NAA15: variants seen among roughly 807,000 people sequenced by gnomAD.
The protein encoded by NAA15 is N-terminal acetyltransferase.
A neutral mutation model predicts 114.0 loss-of-function variants in NAA15; 34 were observed. The ratio of observed to expected loss-of-function variants is 0.30; its 90% CI spans 0.23 to 0.40. NAA15 has a LOEUF of 0.40. NAA15 is among the 10% of genes least tolerant of loss of function. The pLI is 1.00. For synonymous variants in NAA15, 340 were observed against 338.0 expected (o/e 1.01, Z -0.06); for missense variants, 658 against 1,004.5 (o/e 0.66, Z 4.66).
At position 139,370,205 on chromosome 4, in the gene NAA15, C is replaced by G. The variant is rs1748397177; in HGVS notation, c.1754-6C>G. On this transcript the variant is annotated splice_polypyrimidine_tract_variant and splice_region_variant and intron_variant, in intron 14 of 19. Coordinates refer to ENST00000296543, the MANE Select transcript of NAA15 (RefSeq NM_057175.5). ...TTAATTTTATTAATTAACTTATTGCCTGCAGCAAACATGTCTGACAAAGAG... is the reference window on the plus strand; with the variant it reads ...TTAATTTTATTAATTAACTTATTGCGTGCAGCAAACATGTCTGACAAAGAG... 1 of 1,510,012 alleles carries G rather than the reference C, an allele frequency of 6.6e-7. No homozygotes were observed. Among genetic ancestry groups the G allele is most frequent in the African/African-American group, 1.4e-5 (1 of 70,606 alleles). 93.5% of individuals were successfully genotyped at this position (1,510,012 alleles called of 1,614,324 possible). A position where few individuals can be genotyped will look rare whatever the true frequency, so the allele number is the denominator to read the frequency against.
chr4:139,349,435 A>T lies in NAA15; in HGVS notation c.692-27A>T, dbSNP rs866919166. ...TTGGAAGGTTTTCTCAGATATTAAA[A>T]TTTTTTTTTTTTCTGTTTTTAATCA... On this transcript the variant is annotated intron_variant, in intron 6 of 19. Transcript: ENST00000296543. 8.4e-4 allele frequency: 939 copies of T among 1,120,368 alleles called. 1 individual carries two copies. The highest frequency in any genetic ancestry group is 5.8e-3 in the Middle Eastern group (27 of 4,662). The allele number at this position is 1,120,368 out of a possible 1,614,324, so 69.4% of individuals were successfully genotyped here. A position where few individuals can be genotyped will look rare whatever the true frequency, so the allele number is the denominator to read the frequency against.
At chr4:139,331,080 C>T (rs907530624) in intron 1 of NAA15, among the ~76,000 whole-genome samples, 1 of 151,950 alleles carries the variant, frequency 6.6e-6, no homozygotes, top group Admixed American at 6.6e-5. Flanking sequence ...TCTTTTAGAG[C>T]ACTTTTTTTT....
chr4:139,353,068 T>C (rs1406124579), intron 9 of NAA15, among the ~76,000 whole-genome samples: 4 of 152,206 alleles, frequency 2.6e-5, no homozygotes. Flanking sequence ...TTCTTCTACT[T>C]AAGATATTTT....
At chr4:139,353,711 A>G (rs1364650722) in intron 9 of NAA15, among the ~76,000 whole-genome samples, 2 of 152,224 alleles carry the variant, frequency 1.3e-5, no homozygotes, top group African/African-American at 4.8e-5. Context: ...GTGTTCATTT[A>G]TACAAACTTT....
At chr4:139,376,030 TCTC>T (rs1399379392) in intron 15 of NAA15, among the ~76,000 whole-genome samples, 1 of 152,148 alleles carries the variant, frequency 6.6e-6, no homozygotes, top group Non-Finnish European at 1.5e-5. Flanking sequence ...CCTTTGTACT[TCTC>T]CTGTCCTAGT....
intron 3 of NAA15, among the ~76,000 whole-genome samples, chr4:139,337,400 A>G (rs903839248): frequency 3.3e-5 from 5 of 151,918 alleles, no homozygotes; most frequent in Admixed American, 3.3e-4. Flanking sequence ...AGTGTGCCTC[A>G]CTTAGGTTCA....
chr4:139,315,001 T>G (rs866965173), intron 1 of NAA15, among the ~76,000 whole-genome samples: 2,482 of 74,198 alleles, frequency 0.033, 141 homozygotes, highest in African/African-American at 0.045. Context: ...TTCAGTTCAG[T>G]TTAGTTTAGG....
At chr4:139,325,250 A>G (rs1746759104) in intron 1 of NAA15, among the ~76,000 whole-genome samples, 2 of 152,190 alleles carry the variant, frequency 1.3e-5, no homozygotes, top group Admixed American at 6.5e-5. Flanking sequence ...GCAATGTAAC[A>G]GTTGAATTTG....
intron 17 of NAA15, among the ~76,000 whole-genome samples, chr4:139,381,183 T>C (rs1353563870): frequency 6.6e-6 from 1 of 152,192 alleles, no homozygotes; most frequent in African/African-American, 2.4e-5. Flanking sequence ...TTATTTACCA[T>C]ATAGGAGCAC....
chr4:139,345,039 G>A (rs1747536511), intron 6 of NAA15, among the ~76,000 whole-genome samples: 1 of 152,222 alleles, frequency 6.6e-6, no homozygotes, highest in Admixed American at 6.5e-5. Context: ...CTGAAATGCT[G>A]CTTTGTCCTT....
chr4:139,348,568 G>T (rs1409430204), intron 6 of NAA15, among the ~76,000 whole-genome samples: 3 of 152,146 alleles, frequency 2.0e-5, no homozygotes, highest in African/African-American at 7.2e-5. Context: ...GGGTGAAGTA[G>T]TGGCTTAAAA....
chr4:139,353,053 T>C (rs1747832712), intron 9 of NAA15, among the ~76,000 whole-genome samples: 1 of 152,242 alleles, frequency 6.6e-6, no homozygotes, highest in Non-Finnish European at 1.5e-5. Context: ...TATATTTTTA[T>C]GATTTTCTTC....
At chr4:139,339,177 C>T (rs1449430454) in intron 3 of NAA15, among the ~76,000 whole-genome samples, 6 of 152,056 alleles carry the variant, frequency 3.9e-5, no homozygotes, top group Non-Finnish European at 7.4e-5. Flanking sequence ...AGTGGACTTC[C>T]GTTTTTCTTT....
chr4:139,363,231 A>C (rs1039912643), intron 14 of NAA15, among the ~76,000 whole-genome samples: 3 of 152,156 alleles, frequency 2.0e-5, no homozygotes, highest in Non-Finnish European at 4.4e-5. Flanking sequence ...CTCTTCTTCA[A>C]ATTATACAAA....
chr4:139,308,653 C>T (rs1166303192), intron 1 of NAA15, among the ~76,000 whole-genome samples: 1 of 152,166 alleles, frequency 6.6e-6, no homozygotes, highest in African/African-American at 2.4e-5. Flanking sequence ...GGCTGGAGTA[C>T]AGTGGCGTGA....
intron 3 of NAA15, among the ~76,000 whole-genome samples, chr4:139,337,244 C>G (rs930883967): frequency 1.3e-5 from 2 of 152,084 alleles, no homozygotes; most frequent in African/African-American, 4.8e-5. Flanking sequence ...TGTGGCACTC[C>G]GCTACCCCAT....
intron 1 of NAA15, chr4:139,302,174 G>A: frequency 3.6e-6 from 1 of 274,300 alleles, no homozygotes; most frequent in Non-Finnish European, 6.8e-6. Context: ...GGCAGGAGTC[G>A]CGGCCCGGTT....
At chr4:139,376,105 T>C (rs895216290) in intron 15 of NAA15, among the ~76,000 whole-genome samples, 1 of 152,192 alleles carries the variant, frequency 6.6e-6, no homozygotes, top group Admixed American at 6.5e-5. Context: ...TCTTTCTTTC[T>C]CTGGTTCTGT....
intron 1 of NAA15, among the ~76,000 whole-genome samples, chr4:139,304,695 A>G (rs1045116346): frequency 2.0e-5 from 3 of 152,232 alleles, no homozygotes; most frequent in African/African-American, 7.2e-5. Flanking sequence ...GACACCAAGG[A>G]TAATGAGAGC....
Sources: gnomAD v4.1 joint callset for allele counts (sites outside exome capture counted in the v4.1 genomes callset) on GRCh38, gnomAD v4.1.1 for gene constraint, MANE v1.5 for transcripts, NCBI Gene and HGNC (gene_info 2026-07-23, HGNC 2026-07-21) for gene names.